Variants in ALOX12 observed in about 807,000 individuals in gnomAD.
ALOX12 encodes arachidonate 12-lipoxygenase, 12S type.
Under a neutral mutation model 85.5 loss-of-function variants are expected in ALOX12, and 62 were observed. The observed-to-expected ratio is 0.73, with a 90% CI of 0.59 to 0.90. The LOEUF (loss-of-function observed/expected upper bound fraction) is 0.90, where lower values mean the gene tolerates loss of function less well. ALOX12 is among the 40% of genes least tolerant of loss of function. ALOX12 has a pLI of 0.00. For missense variants in ALOX12, 751 were observed against 856.5 expected (o/e 0.88, Z 1.54); for synonymous variants, 299 against 332.7 (o/e 0.90, Z 1.10).
chr17:7,009,925 A>C (rs755408718), intron 12 of ALOX12, 31 bp from the exon 13 acceptor site: 2 of 1,613,356 alleles, frequency 1.2e-6, no homozygotes, highest in South Asian at 2.2e-5. Flanking sequence ...CCTAAGTACC[A>C]GGGTTCTAGG....
intron 1 of ALOX12, among the ~76,000 whole-genome samples, 175 bp from the exon 2 acceptor site, chr17:6,996,651 C>A (rs1908452883): frequency 6.6e-6 from 1 of 152,196 alleles, no homozygotes; most frequent in Non-Finnish European, 1.5e-5. Flanking sequence ...CCTCGTCCTC[C>A]ACCCGACTCC....
At chr17:7,004,138 A>G (rs1421338857) in intron 8 of ALOX12, among the ~76,000 whole-genome samples, 1 of 119,048 alleles carries the variant, frequency 8.4e-6, no homozygotes, top group Non-Finnish European at 1.7e-5. Flanking sequence ...TAAATAAATA[A>G]TTAAAATTTA....
At chr17:7,006,051 TGGTGGGGCCGGGGG>T (rs749678181) in intron 10 of ALOX12, 24 bp downstream of exon 10, 1 of 12,088 alleles carries the variant, frequency 8.3e-5, no homozygotes, top group African/African-American at 8.4e-4. Context: ...AGCTGAGAAA[TGGTGGGGCCGGGGG>T]GGGGGGGGGC....
intron 5 of ALOX12, 115 bp downstream of exon 5, chr17:6,999,171 C>A: frequency 6.8e-7 from 1 of 1,475,688 alleles, no homozygotes. Context: ...ATCTGGTCAA[C>A]TCAGAGAGGC....
chr17:7,001,659 C>T lies in ALOX12; in HGVS notation c.1009C>T (p.Pro337Ser). 2 of 1,614,200 alleles carry T rather than the reference C, an allele frequency of 1.2e-6. No homozygotes were observed. The highest frequency in any genetic ancestry group is 1.7e-6 in the Non-Finnish European group (2 of 1,180,034). ...AACACTGTTCCTGCCCTCAGACCCC[C>T]CACTTGCCTGGCTCCTGGCAAAGTC... The part of the protein sequence containing the change: ...TPTLFLPSDP[P>S]LAWLLAKSWV... The change falls in exon 8 of 14, where the codon CCA (proline) becomes TCA (serine). Residue 337 changes from proline to serine, a missense_variant. Transcript: ENST00000251535.
chr17:7,004,894 A>C (rs1252295683), intron 8 of ALOX12, among the ~76,000 whole-genome samples: 1 of 152,028 alleles, frequency 6.6e-6, no homozygotes, highest in Non-Finnish European at 1.5e-5. Context: ...CTATTCCAGG[A>C]CTCTTATGTG....
intron 10 of ALOX12, 138 bp from the exon 11 acceptor site, chr17:7,006,348 G>C (rs923406406): frequency 7.6e-7 from 1 of 1,310,366 alleles, no homozygotes; most frequent in African/African-American, 1.5e-5. Flanking sequence ...ATGCTAGTGT[G>C]TTTAGAGGGC....
rs767069577 is a variant in ALOX12 at position 7,005,957 on chromosome 17, C to G, written c.1348C>G (p.Arg450Gly). 6 of 1,611,522 alleles carry G rather than the reference C, an allele frequency of 3.7e-6. No homozygotes were observed. In the African/African-American group the frequency reaches 6.7e-5, roughly 18 times the overall value. The change falls in exon 10 of 14, where the codon CGG becomes GGG. Residue 450 changes from arginine to glycine, a missense_variant. Arg to Gly is a moderately radical substitution (Grantham distance 125). Transcript: ENST00000251535. Reference protein sequence around the residue: ...SLCPPDDLADRGLLGLPGALY... With the variant: ...SLCPPDDLADGGLLGLPGALY... ...CTGTCCTCCTGACGACCTGGCTGAC[C>G]GGGGCCTGCTGGGACTCCCAGGTGC...
intron 8 of ALOX12, chr17:7,002,535 C>T (rs973928739): frequency 4.3e-6 from 2 of 468,778 alleles, no homozygotes; most frequent in Admixed American, 2.4e-5. Context: ...CGCCTGTAAT[C>T]CCAGTGCTTT....
intron 8 of ALOX12, chr17:7,002,020 A>G: frequency 1.7e-6 from 1 of 584,054 alleles, no homozygotes; most frequent in Non-Finnish European, 3.0e-6. Flanking sequence ...ATTCTCAGAG[A>G]TCTGACAGTC....
intron 2 of ALOX12, among the ~76,000 whole-genome samples, chr17:6,997,541 A>T (rs561206491): frequency 5.6e-4 from 81 of 145,728 alleles, no homozygotes; most frequent in Admixed American, 1.9e-3. Context: ...AGGAATGAGG[A>T]TGGCAAATAG....
At chr17:6,999,194 A>G in intron 5 of ALOX12, 112 bp from the exon 6 acceptor site, 1 of 1,514,726 alleles carries the variant, frequency 6.6e-7, no homozygotes, top group Non-Finnish European at 9.0e-7. Context: ...TGAGAATGAA[A>G]ACGCAGAAGC....
Position 7,006,059 on chromosome 17 carries a change from C to CGGGGGGGGGGGGGG in ALOX12, c.1418+32_1418+33insGGGGGGGGGGGGGG. 5.9e-5 allele frequency: 8 copies of CGGGGGGGGGGGGGG among 135,678 alleles called. 1 individual carries two copies. The highest frequency in any genetic ancestry group is 3.8e-4 in the East Asian group (1 of 2,612). 8.4% of individuals were successfully genotyped at this position (135,678 alleles called of 1,614,324 possible). On this transcript the variant is annotated intron_variant, in intron 10 of 13. Transcript: ENST00000251535. ...AAGGAGGAGCTGAGAAATGGTGGGGCCGGGGGGGGGGGGGGCTCTGGCCTG... is the reference window on the plus strand; with the variant it reads ...AAGGAGGAGCTGAGAAATGGTGGGGCGGGGGGGGGGGGGGCGGGGGGGGGGGGGGCTCTGGCCTG...
chr17:6,998,448 A>G (rs887626492), intron 2 of ALOX12, 61 bp from the exon 3 acceptor site: 1 of 1,106,526 alleles, frequency 9.0e-7, no homozygotes. Context: ...GGAGATGAGG[A>G]CAAGAGGCGG....
chr17:7,007,105 C>A (rs2151646351), intron 11 of ALOX12, among the ~76,000 whole-genome samples: 1 of 152,312 alleles, frequency 6.6e-6, no homozygotes, highest in East Asian at 1.9e-4. Context: ...GCAAGGTCAG[C>A]TCTTGATGCA....
At chr17:7,009,523 C>A (rs549347204) in intron 11 of ALOX12, 1 of 523,484 alleles carries the variant, frequency 1.9e-6, no homozygotes, top group African/African-American at 1.9e-5. Flanking sequence ...TAGGTATCGT[C>A]CATATTTTAC....
Position 6,997,053 on chromosome 17 carries a change from G to A in ALOX12, c.337+26G>A, listed in dbSNP as rs1036200284. ...GTGAGCAGGCGGCGTCGGGGAAGGAGGCACAAGGTCTCGGGAACTGCTGCG... is the reference window on the plus strand; with the variant it reads ...GTGAGCAGGCGGCGTCGGGGAAGGAAGCACAAGGTCTCGGGAACTGCTGCG... On this transcript the variant is annotated intron_variant, in intron 2 of 13. Coordinates refer to ENST00000251535, the MANE Select transcript of ALOX12 (RefSeq NM_000697.3). 6.6e-6 allele frequency: 10 copies of A among 1,516,582 alleles called. 1 individual carries two copies. Among genetic ancestry groups the A allele is most frequent in the Admixed American group, 6.0e-5 (3 of 50,132 alleles). The allele number at this position is 1,516,582 out of a possible 1,614,324, so 93.9% of individuals were successfully genotyped here.
Position 7,010,047 on chromosome 17 carries a change from T to C in ALOX12, c.1733T>C (p.Met578Thr). 6.2e-7 allele frequency: 1 copy of C among 1,614,162 alleles called. No individual in the cohort carries two copies. Among genetic ancestry groups the C allele is most frequent in the Non-Finnish European group, 8.5e-7 (1 of 1,180,026 alleles). ...GAAGATGTGACGATGGCCACAGTGA[T>C]GGGGTCACTACCTGATGTCCGGCAG... ...TKEDVTMATVMGSLPDVRQAC... is the reference protein window; with the variant it reads ...TKEDVTMATVTGSLPDVRQAC... The change falls in exon 13 of 14, where the codon ATG (methionine) becomes ACG (threonine). Residue 578 changes from methionine (M) to threonine (T), a missense_variant. Met to Thr is a moderately conservative substitution (Grantham distance 81). Transcript: ENST00000251535.
At position 7,010,006 on chromosome 17, in the gene ALOX12, C is replaced by T. The variant is rs761503943; in HGVS notation, c.1692C>T (p.Pro564=). ...VPNAPCTMRM[P]PPTTKEDVTM... Reference sequence around the variant, plus strand: ...ATGCTCCATGCACAATGCGGATGCCCCCACCCACCACCAAGGAAGATGTGA... The same window carrying T: ...ATGCTCCATGCACAATGCGGATGCCTCCACCCACCACCAAGGAAGATGTGA... The change falls in exon 13 of 14, where the codon CCC becomes CCT. Residue 564 remains proline, a synonymous_variant. Transcript: ENST00000251535. 4.0e-5 allele frequency: 64 copies of T among 1,614,058 alleles called. No individual in the cohort carries two copies. Among genetic ancestry groups the T allele is most frequent in the Admixed American group, 1.0e-4 (6 of 60,004 alleles).
Sources: allele counts gnomAD v4.1 joint callset (sites outside exome capture counted in the v4.1 genomes callset), GRCh38; gene constraint gnomAD v4.1.1; transcripts MANE v1.5; gene names NCBI Gene and HGNC (gene_info 2026-07-23, HGNC 2026-07-21).